The following SKA2 variants were observed in gnomAD, a reference collection of about 807,000 sequenced individuals.
SKA2 encodes the protein spindle and kinetochore associated complex subunit 2.
In SKA2, 13 loss-of-function variants were observed where a neutral mutation model predicts 16.9. That is an observed-to-expected ratio of 0.77 (90% confidence interval 0.50 to 1.22). The LOEUF is 1.22. Ranked by LOEUF, SKA2 falls within the 50% of genes most tolerant of loss-of-function variation. The probability of loss-of-function intolerance (pLI) is 0.00; values close to 1 mark genes in which losing one functional copy is unlikely to be tolerated. For missense variants in SKA2, 107 were observed against 139.7 expected, an observed-to-expected ratio of 0.77 and a Z score of 1.18; for synonymous variants, 47 against 48.5, an observed-to-expected ratio of 0.97 and a Z score of 0.13.
At chr17:59,113,383 C>A (rs968529241) in intron 3 of SKA2, among the ~76,000 whole-genome samples, 7 of 150,284 alleles carry the variant, frequency 4.7e-5, no homozygotes, top group Non-Finnish European at 8.9e-5. Flanking sequence ...ATTAGCCAGG[C>A]ATGGTGGTAT....
intron 2 of SKA2, among the ~76,000 whole-genome samples, chr17:59,123,162 AAG>A (rs1269040577): frequency 6.6e-6 from 1 of 151,918 alleles, no homozygotes; most frequent in African/African-American, 2.4e-5. Context: ...GCTTATATAA[AAG>A]AGTTACAGAA....
chr17:59,125,737 T>C lies in SKA2; in HGVS notation c.120+5544A>G, dbSNP rs531545115. ...ATACATAAAAATACTCTGCTAATGA[T>C]AGTGCTGGTGATGGGAGAAAAGAAA... On this transcript the variant is annotated intron_variant, in intron 2 of 3. Coordinates refer to ENST00000330137, the MANE Select transcript of SKA2 (RefSeq NM_182620.4). 6.0e-5 allele frequency among the ~76,000 whole-genome samples: 9 copies of C among 150,460 alleles called. No individual in the cohort carries two copies. The South Asian group carries it at 1.5e-3, about 25-fold the overall frequency.
intron 1 of SKA2, among the ~76,000 whole-genome samples, chr17:59,142,035 G>T (rs1037162909): frequency 6.6e-6 from 1 of 152,104 alleles, no homozygotes; most frequent in Non-Finnish European, 1.5e-5. Flanking sequence ...GTTCAAAGCT[G>T]CACACTGTCA....
chr17:59,111,445 AAT>A lies in SKA2; in HGVS notation c.*830_*831del, dbSNP rs1374962895. 6.6e-6 allele frequency: 1 copy of A among 152,230 alleles called. No individual in the cohort carries two copies. Among genetic ancestry groups the A allele is most frequent in the Admixed American group, 6.5e-5 (1 of 15,272 alleles). The allele number at this position is 152,230 out of a possible 1,614,324, so 9.4% of individuals were successfully genotyped here. On this transcript the variant is annotated 3_prime_UTR_variant, in exon 4 of 4. Coordinates refer to ENST00000330137, the MANE Select transcript of SKA2 (RefSeq NM_182620.4). ...TACTTTGAACAGTTTCCTTATTGCC[AAT>A]AGTTATTTTAAAATAAATAGTTATT...
chr17:59,148,194 G>A (rs2046548699), intron 1 of SKA2, among the ~76,000 whole-genome samples: 1 of 152,074 alleles, frequency 6.6e-6, no homozygotes, highest in African/African-American at 2.4e-5. Flanking sequence ...CCTACACACT[G>A]AAAATTGCAA....
rs1475792696 is a variant in SKA2 at position 59,121,774 on chromosome 17, C to G, written c.121-2279G>C. On this transcript the variant is annotated intron_variant, in intron 2 of 3. Transcript: ENST00000330137. Reference sequence around the variant, plus strand: ...GACCAGCCTGGCCAACATGGTGAAACACCGTCTCTACGAAAATACAAAAAA... The same window carrying G: ...GACCAGCCTGGCCAACATGGTGAAAGACCGTCTCTACGAAAATACAAAAAA... 8.9e-5 allele frequency among the ~76,000 whole-genome samples: 10 copies of G among 112,046 alleles called. No individual in the cohort carries two copies. In the Admixed American group the frequency reaches 1.2e-3, roughly 14 times the overall value. 73.5% of individuals were successfully genotyped at this position (112,046 alleles called of 152,430 possible).
At chr17:59,124,111 C>T (rs1197533427) in intron 2 of SKA2, among the ~76,000 whole-genome samples, 1 of 152,086 alleles carries the variant, frequency 6.6e-6, no homozygotes, top group Non-Finnish European at 1.5e-5. Flanking sequence ...ATTTCTGCAA[C>T]TCTTCAAATA....
At chr17:59,144,955 C>A (rs2046520858) in intron 1 of SKA2, among the ~76,000 whole-genome samples, 1 of 152,250 alleles carries the variant, frequency 6.6e-6, no homozygotes, top group African/African-American at 2.4e-5. Flanking sequence ...CACCACCACA[C>A]CCAGCTAATT....
intron 2 of SKA2, among the ~76,000 whole-genome samples, chr17:59,129,610 C>T (rs1397845913): frequency 6.6e-6 from 1 of 151,916 alleles, no homozygotes; most frequent in East Asian, 1.9e-4. Context: ...CTAATCCCAG[C>T]ACTTTAGGAG....
chr17:59,133,241 C>T (rs1273324164), intron 1 of SKA2, among the ~76,000 whole-genome samples: 4 of 152,198 alleles, frequency 2.6e-5, no homozygotes, highest in Admixed American at 6.5e-5. Flanking sequence ...GAATTACAGA[C>T]GTGAGCCACC....
chr17:59,142,123 C>T (rs1279598024), intron 1 of SKA2, among the ~76,000 whole-genome samples: 1 of 152,128 alleles, frequency 6.6e-6, no homozygotes, highest in Non-Finnish European at 1.5e-5. Context: ...TCATGACAAA[C>T]ATGTGGATAC....
At chr17:59,154,798 C>T (rs1220163049) in intron 1 of SKA2, among the ~76,000 whole-genome samples, 5 of 152,098 alleles carry the variant, frequency 3.3e-5, no homozygotes, top group Admixed American at 3.3e-4. Context: ...CCGTTCCATT[C>T]ACATCTTTTT....
chr17:59,121,908 G>C (rs2147798249), intron 2 of SKA2, among the ~76,000 whole-genome samples: 1 of 150,956 alleles, frequency 6.6e-6, no homozygotes, highest in Admixed American at 6.6e-5. Flanking sequence ...GGAGGCAGAG[G>C]TTGTAGTGAT....
At chr17:59,127,910 A>G (rs2097485840) in intron 2 of SKA2, among the ~76,000 whole-genome samples, 1 of 152,114 alleles carries the variant, frequency 6.6e-6, no homozygotes, top group African/African-American at 2.4e-5. Context: ...CCATCAACTG[A>G]TGACTGGATA....
At chr17:59,150,732 A>G (rs2046570981) in intron 1 of SKA2, among the ~76,000 whole-genome samples, 1 of 151,904 alleles carries the variant, frequency 6.6e-6, no homozygotes, top group Admixed American at 6.6e-5. Context: ...ACAGAGAAAG[A>G]CTCTGTCTCT....
intron 1 of SKA2, among the ~76,000 whole-genome samples, chr17:59,139,302 CAGG>C (rs902492401): frequency 2.1e-5 from 3 of 146,168 alleles, no homozygotes; most frequent in African/African-American, 7.6e-5. Context: ...GAGGCTGGAG[CAGG>C]AGAATGGCAT....
At chr17:59,151,867 T>C (rs1232099784) in intron 1 of SKA2, 1 of 152,144 alleles carries the variant, frequency 6.6e-6, no homozygotes, top group Non-Finnish European at 1.5e-5. Flanking sequence ...TCTAACTGAA[T>C]ACTATCCAAG....
intron 2 of SKA2, among the ~76,000 whole-genome samples, chr17:59,123,693 T>C (rs1463919943): frequency 6.6e-6 from 1 of 152,050 alleles, no homozygotes; most frequent in Non-Finnish European, 1.5e-5. Context: ...GGACTACAAG[T>C]GTGAGCTACT....
rs57098353 is a variant in SKA2, at chr17:59,147,377, G to GACAC, written c.33+7750_33+7753dup. ...ACTAAGAAAGAAATTTTATATATAA[G>GACAC]ACACACACACACACACACACACACA... On this transcript the variant is annotated intron_variant, in intron 1 of 3. Coordinates refer to ENST00000330137, the MANE Select transcript of SKA2 (RefSeq NM_182620.4). Among the ~76,000 whole-genome samples the GACAC allele has an allele frequency of 8.2e-3, 1,128 of 138,208 alleles. 13 individuals are homozygous for GACAC. Among genetic ancestry groups the GACAC allele is most frequent in the East Asian group, 0.023 (109 of 4,666 alleles). 90.7% of individuals were successfully genotyped at this position (138,208 alleles called of 152,430 possible).
Sources: gnomAD v4.1 joint callset for allele counts (sites outside exome capture counted in the v4.1 genomes callset) on GRCh38, gnomAD v4.1.1 for gene constraint, MANE v1.5 for transcripts, NCBI Gene and HGNC (gene_info 2026-07-23, HGNC 2026-07-21) for gene names.